The following NKAIN2 variants were observed in gnomAD, a reference collection of about 807,000 sequenced individuals.
The protein encoded by NKAIN2 is sodium/potassium-transporting ATPase subunit beta-1-interacting protein 2.
A neutral mutation model predicts 32.6 loss-of-function variants in NKAIN2; 14 were observed. The ratio of observed to expected loss-of-function variants is 0.43; its 90% CI spans 0.28 to 0.67. The LOEUF (loss-of-function observed/expected upper bound fraction) is 0.67. Among genes scored for constraint, NKAIN2 ranks in the 30% least tolerant of loss-of-function variants. NKAIN2 has a pLI of 0.17. For missense variants in NKAIN2, 198 were observed against 258.3 expected (o/e 0.77, Z 1.60); for synonymous variants, 80 against 87.2 (o/e 0.92, Z 0.46).
intron 3 of NKAIN2, among the ~76,000 whole-genome samples, chr6:124,450,963 AT>A (rs1478415290): frequency 6.2e-4 from 95 of 152,228 alleles, no homozygotes; most frequent in African/African-American, 2.2e-3. Flanking sequence ...GTAATAATGC[AT>A]AAGGACTATT....
chr6:124,294,087 G>A (rs998505314), intron 2 of NKAIN2, among the ~76,000 whole-genome samples: 2 of 152,020 alleles, frequency 1.3e-5, no homozygotes, highest in Non-Finnish European at 2.9e-5. Flanking sequence ...TTAGCTCAAC[G>A]TACTAGAGGC....
chr6:124,416,735 T>C (rs1460659656), intron 3 of NKAIN2, among the ~76,000 whole-genome samples: 1 of 152,126 alleles, frequency 6.6e-6, no homozygotes, highest in Non-Finnish European at 1.5e-5. Context: ...GCAACACCCC[T>C]TCTCCTGCCC....
chr6:124,360,330 T>C (rs1196488411), intron 3 of NKAIN2, among the ~76,000 whole-genome samples: 1 of 152,152 alleles, frequency 6.6e-6, no homozygotes, highest in East Asian at 1.9e-4. Context: ...TTGATTAGGC[T>C]GTCTTTTCTG....
At chr6:124,139,315 C>G (rs1225818828) in intron 1 of NKAIN2, among the ~76,000 whole-genome samples, 1 of 150,800 alleles carries the variant, frequency 6.6e-6, no homozygotes, top group South Asian at 2.1e-4. Flanking sequence ...GTCTCGATCT[C>G]CTGACCTCAT....
intron 4 of NKAIN2, among the ~76,000 whole-genome samples, chr6:124,714,141 G>A (rs1387545044): frequency 6.6e-6 from 1 of 152,102 alleles, no homozygotes; most frequent in Non-Finnish European, 1.5e-5. Context: ...CCCTTCTCTT[G>A]CTGTAGTGGC....
chr6:124,642,907 C>T (rs1193003269), intron 3 of NKAIN2, among the ~76,000 whole-genome samples: 1 of 152,068 alleles, frequency 6.6e-6, no homozygotes, highest in Non-Finnish European at 1.5e-5. Context: ...ATATTAAAAG[C>T]ACTGCTCCTG....
chr6:123,899,020 A>T (rs570474380), intron 1 of NKAIN2, among the ~76,000 whole-genome samples: 4 of 152,364 alleles, frequency 2.6e-5, no homozygotes, highest in African/African-American at 9.6e-5. Context: ...ATGGATGTGC[A>T]CAGAGGTGGG....
intron 3 of NKAIN2, among the ~76,000 whole-genome samples, chr6:124,413,361 T>C (rs617762): frequency 2.6e-5 from 4 of 152,128 alleles, no homozygotes; most frequent in African/African-American, 9.7e-5. Context: ...TCTTCACTCC[T>C]CTGTGCCTTT....
chr6:124,345,257 G>A (rs1298219619), intron 2 of NKAIN2, among the ~76,000 whole-genome samples: 1 of 152,012 alleles, frequency 6.6e-6, no homozygotes, highest in African/African-American at 2.4e-5. Flanking sequence ...GATGATTTTT[G>A]CATCAATGTT....
chr6:124,664,676 C>G (rs1772686828), intron 4 of NKAIN2, among the ~76,000 whole-genome samples: 1 of 147,924 alleles, frequency 6.8e-6, no homozygotes, highest in Non-Finnish European at 1.5e-5. Flanking sequence ...CGCCTGTAGT[C>G]CCAGCTACTT....
intron 3 of NKAIN2, among the ~76,000 whole-genome samples, chr6:124,417,799 C>CT (rs1250038518): frequency 6.6e-6 from 1 of 152,140 alleles, no homozygotes; most frequent in Admixed American, 6.5e-5. Context: ...TCCAGGGTCT[C>CT]TTTCACATTC....
chr6:123,974,442 C>T (rs936479299), intron 1 of NKAIN2, among the ~76,000 whole-genome samples: 20 of 152,148 alleles, frequency 1.3e-4, no homozygotes, highest in Non-Finnish European at 2.5e-4. Flanking sequence ...AAAATTACCA[C>T]GGTTCTTCTA....
intron 3 of NKAIN2, among the ~76,000 whole-genome samples, chr6:124,427,675 T>G (rs1223349053): frequency 6.6e-6 from 1 of 152,136 alleles, no homozygotes; most frequent in Admixed American, 6.6e-5. Flanking sequence ...AGTTAATCTC[T>G]GTAAACCCCT....
intron 1 of NKAIN2, among the ~76,000 whole-genome samples, chr6:124,189,766 T>A (rs1309708785): frequency 5.7e-4 from 87 of 152,316 alleles, no homozygotes; most frequent in African/African-American, 1.8e-3. Flanking sequence ...TGCCAGAAAC[T>A]AGCACATCTT....
chr6:124,062,439 G>A (rs1782958209), intron 1 of NKAIN2, among the ~76,000 whole-genome samples: 1 of 152,066 alleles, frequency 6.6e-6, no homozygotes, highest in African/African-American at 2.4e-5. Flanking sequence ...TATTGTTGTT[G>A]TTATTTTGAG....
At chr6:124,544,268 C>T (rs191002148) in intron 3 of NKAIN2, among the ~76,000 whole-genome samples, 26 of 151,812 alleles carry the variant, frequency 1.7e-4, no homozygotes, top group African/African-American at 5.8e-4. Context: ...ACATTACAGT[C>T]GAGAAGGAAA....
intron 4 of NKAIN2, among the ~76,000 whole-genome samples, chr6:124,728,661 A>T (rs1231443209): frequency 7.9e-6 from 1 of 126,046 alleles, no homozygotes; most frequent in African/African-American, 3.0e-5. Flanking sequence ...GAAAAGCAAG[A>T]GCAAACACAT....
intron 5 of NKAIN2, among the ~76,000 whole-genome samples, chr6:124,795,320 A>G (rs1268575238): frequency 2.0e-5 from 3 of 152,192 alleles, no homozygotes; most frequent in Admixed American, 1.3e-4. Context: ...CTTCACAGCA[A>G]CAGGTGTATC....
In NKAIN2 at chr6:123,958,706, A is replaced by G. The variant is rs990582789; in HGVS notation, c.54+154452A>G. Among the ~76,000 whole-genome samples the G allele has an allele frequency of 6.6e-5, 10 of 152,234 alleles. 1 individual carries two copies. The highest frequency in any genetic ancestry group is 2.2e-4 in the African/African-American group (9 of 41,462). On this transcript the variant is annotated intron_variant, in intron 1 of 6. Transcript: ENST00000368417. ...GCAAGCACTTACCACTGGCTATTAC[A>G]TATTTCCTCATCTATGTATTTGTCT...
Sources: allele counts gnomAD v4.1 joint callset (sites outside exome capture counted in the v4.1 genomes callset), GRCh38; gene constraint gnomAD v4.1.1; transcripts MANE v1.5; gene names NCBI Gene and HGNC (gene_info 2026-07-23, HGNC 2026-07-21).